KCND2: variants seen among roughly 807,000 people sequenced by gnomAD.
The protein encoded by KCND2 is potassium voltage-gated channel subfamily D member 2.
KCND2 carries 16 observed loss-of-function variants against 54.4 expected under a neutral mutation model. The observed-to-expected ratio is 0.29, with a 90% CI of 0.20 to 0.45. KCND2 has a LOEUF of 0.45. Among genes scored for constraint, KCND2 ranks in the 20% least tolerant of loss-of-function variants. KCND2 has a pLI of 1.00. For missense variants in KCND2, 486 were observed against 824.2 expected (o/e 0.59, Z 5.02); for synonymous variants, 317 against 310.7 (o/e 1.02, Z -0.21).
rs2116409450 is a variant in KCND2 at position 120,560,685 on chromosome 7, A to G, written c.1116-172218A>G. ...TCTGTCTACCGGCCTGTCTCATCGA[A>G]TGAAGCAGCAGGCAGGGAAACCAAG... On this transcript the variant is annotated intron_variant, in intron 1 of 5. Transcript: ENST00000331113. Among the ~76,000 whole-genome samples, 2 of 152,326 alleles carry G rather than the reference A, an allele frequency of 1.3e-5. 1 individual carries two copies. Among genetic ancestry groups the G allele is most frequent in the South Asian group, 4.1e-4 (2 of 4,824 alleles).
rs544511659 is a variant in KCND2 at position 120,414,814 on chromosome 7, A to G, written c.1115+139067A>G. Among the ~76,000 whole-genome samples the G allele has an allele frequency of 1.1e-3, 161 of 152,222 alleles. 1 individual carries two copies. Among genetic ancestry groups the G allele is most frequent in the Admixed American group, 7.2e-4 (11 of 15,284 alleles). On this transcript the variant is annotated intron_variant, in intron 1 of 5. Transcript: ENST00000331113. ...CATTTAATTATTCTTCCACTTCATCATGTCATCTGGTGCTTTCATACTACC... is the reference window on the plus strand; with the variant it reads ...CATTTAATTATTCTTCCACTTCATCGTGTCATCTGGTGCTTTCATACTACC...
At chr7:120,505,392 T>C (rs945049938) in intron 1 of KCND2, among the ~76,000 whole-genome samples, 9 of 151,826 alleles carry the variant, frequency 5.9e-5, no homozygotes, top group African/African-American at 1.9e-4. Context: ...AAGCATTCAG[T>C]TGCAAATGAA....
At position 120,617,697 on chromosome 7, in the gene KCND2, A is replaced by G. The variant is rs192737732; in HGVS notation, c.1116-115206A>G. On this transcript the variant is annotated intron_variant, in intron 1 of 5. Coordinates refer to ENST00000331113, the MANE Select transcript of KCND2 (RefSeq NM_012281.3). The stretch of plus-strand genomic sequence containing the variant: ...CTACCAAAATGACACATGCACCCAT[A>G]TGTTCATTGCAGTGTTATTCACAAC... Among the ~76,000 whole-genome samples, 26 of 152,322 alleles carry G rather than the reference A, an allele frequency of 1.7e-4. No homozygotes were observed. The East Asian group carries it at 4.8e-3, about 28-fold the overall frequency.
At chr7:120,500,816 T>C (rs979659127) in intron 1 of KCND2, among the ~76,000 whole-genome samples, 3 of 150,012 alleles carry the variant, frequency 2.0e-5, no homozygotes, top group Non-Finnish European at 4.4e-5. Context: ...TATTATATAT[T>C]TAAATTAAAT....
intron 1 of KCND2, among the ~76,000 whole-genome samples, chr7:120,307,388 GA>G (rs1008340776): frequency 7.9e-5 from 12 of 152,104 alleles, no homozygotes; most frequent in African/African-American, 2.9e-4. Flanking sequence ...CAAATTTGGG[GA>G]CAGTGATATA....
chr7:120,313,332 T>A (rs767718912), intron 1 of KCND2, among the ~76,000 whole-genome samples: 10 of 152,198 alleles, frequency 6.6e-5, no homozygotes, highest in Non-Finnish European at 4.4e-5. Context: ...ATTTCTATTG[T>A]ATATGTATAT....
chr7:120,704,392 A>C (rs1012522531), intron 1 of KCND2, among the ~76,000 whole-genome samples: 1 of 152,086 alleles, frequency 6.6e-6, no homozygotes, highest in African/African-American at 2.4e-5. Flanking sequence ...CCTGGACTTC[A>C]GCTTAAAATA....
At chr7:120,324,246 G>C (rs1379088308) in intron 1 of KCND2, among the ~76,000 whole-genome samples, 452 of 142,392 alleles carry the variant, frequency 3.2e-3, no homozygotes, top group Non-Finnish European at 4.1e-3. Context: ...CCATTTTGTA[G>C]GTTGCCTGTT....
intron 1 of KCND2, among the ~76,000 whole-genome samples, chr7:120,551,810 A>G (rs1584824470): frequency 6.6e-6 from 1 of 152,286 alleles, no homozygotes; most frequent in East Asian, 1.9e-4. Flanking sequence ...TGGGATGTTC[A>G]TTTTGTGCCA....
At chr7:120,448,453 A>T (rs972110002) in intron 1 of KCND2, among the ~76,000 whole-genome samples, 3 of 152,110 alleles carry the variant, frequency 2.0e-5, no homozygotes, top group African/African-American at 4.8e-5. Flanking sequence ...GGTTGGTTCC[A>T]AGTTTTTGCT....
chr7:120,321,833 A>G (rs1023455251), intron 1 of KCND2, among the ~76,000 whole-genome samples: 8 of 152,090 alleles, frequency 5.3e-5, no homozygotes, highest in African/African-American at 1.9e-4. Flanking sequence ...GTCCTCACCA[A>G]CCTAATCACA....
intron 1 of KCND2, among the ~76,000 whole-genome samples, chr7:120,529,185 A>G (rs1444816804): frequency 1.3e-5 from 2 of 152,076 alleles, no homozygotes; most frequent in South Asian, 4.2e-4. Flanking sequence ...TTTCTTGCCT[A>G]CCCCTCTTGA....
At chr7:120,433,762 C>T (rs148945738) in intron 1 of KCND2, among the ~76,000 whole-genome samples, 1 of 152,210 alleles carries the variant, frequency 6.6e-6, no homozygotes, top group East Asian at 1.9e-4. Flanking sequence ...GAACAACTTG[C>T]AGTAGTACTT....
At chr7:120,563,566 A>G (rs1259550871) in intron 1 of KCND2, among the ~76,000 whole-genome samples, 5 of 152,160 alleles carry the variant, frequency 3.3e-5, no homozygotes, top group African/African-American at 9.7e-5. Context: ...GGAAATCAAT[A>G]TCTTCAATGT....
At chr7:120,315,357 C>G (rs978379399) in intron 1 of KCND2, among the ~76,000 whole-genome samples, 3 of 152,142 alleles carry the variant, frequency 2.0e-5, no homozygotes, top group Non-Finnish European at 4.4e-5. Flanking sequence ...TCTGAAAAAT[C>G]CTTTTTCTAC....
chr7:120,698,022 CTTTTT>C (rs35589294), intron 1 of KCND2, among the ~76,000 whole-genome samples: 4 of 85,594 alleles, frequency 4.7e-5, no homozygotes, highest in East Asian at 3.3e-4. Context: ...TAGATTTGCC[CTTTTT>C]TTTTTTTTTT....
intron 1 of KCND2, among the ~76,000 whole-genome samples, chr7:120,369,583 A>G (rs1428473785): frequency 1.3e-5 from 2 of 152,086 alleles, no homozygotes; most frequent in African/African-American, 4.8e-5. Context: ...AGTCTGCATG[A>G]ATATGAAATC....
At chr7:120,624,222 A>G (rs1562890938) in intron 1 of KCND2, among the ~76,000 whole-genome samples, 3 of 152,196 alleles carry the variant, frequency 2.0e-5, no homozygotes, top group Admixed American at 2.0e-4. Flanking sequence ...TTGTTATGTT[A>G]AATCGCATTC....
intron 1 of KCND2, among the ~76,000 whole-genome samples, chr7:120,600,099 G>T (rs193280632): frequency 4.2e-4 from 64 of 151,610 alleles, no homozygotes; most frequent in African/African-American, 1.5e-3. Context: ...TTCATTTAAA[G>T]AACTTAGTAA....
Sources: allele counts gnomAD v4.1 joint callset (sites outside exome capture counted in the v4.1 genomes callset), GRCh38; gene constraint gnomAD v4.1.1; transcripts MANE v1.5; gene names NCBI Gene and HGNC (gene_info 2026-07-23, HGNC 2026-07-21).